Variants in ACBD6 observed in about 807,000 individuals in gnomAD.
The protein encoded by ACBD6 is acyl-CoA-binding domain-containing protein 6.
In ACBD6, 28 loss-of-function variants were observed where a neutral mutation model predicts 37.2. The ratio of observed to expected loss-of-function variants is 0.75; its 90% confidence interval spans 0.56 to 1.03. The LOEUF is 1.03. Among genes scored for constraint, ACBD6 ranks in the 50% least tolerant of loss-of-function variants. ACBD6 has a pLI of 0.00. For synonymous variants in ACBD6, 113 were observed against 126.8 expected (o/e 0.89, Z 0.73); for missense variants, 340 against 337.4 (o/e 1.01, Z -0.06).
chr1:180,478,126 T>G (rs1650873997), intron 3 of ACBD6, among the ~76,000 whole-genome samples: 1 of 152,144 alleles, frequency 6.6e-6, no homozygotes, highest in Non-Finnish European at 1.5e-5. Context: ...CATTTTTAAT[T>G]CTAATCTATT....
chr1:180,366,869 G>T (rs1006068666), intron 6 of ACBD6, among the ~76,000 whole-genome samples: 2 of 152,130 alleles, frequency 1.3e-5, no homozygotes, highest in African/African-American at 4.8e-5. Context: ...TAGAAGCACT[G>T]AGTCAGTATG....
chr1:180,338,681 A>T (rs1176459236), intron 6 of ACBD6, among the ~76,000 whole-genome samples: 2 of 152,220 alleles, frequency 1.3e-5, no homozygotes, highest in African/African-American at 4.8e-5. Context: ...GACAAATGGG[A>T]TCTAATTAAA....
intron 6 of ACBD6, among the ~76,000 whole-genome samples, chr1:180,368,435 T>C (rs905358746): frequency 3.3e-5 from 5 of 152,204 alleles, no homozygotes; most frequent in Admixed American, 3.3e-4. Context: ...GATGTCTTTA[T>C]CATGAAATCT....
chr1:180,346,780 T>C (rs1024655388), intron 6 of ACBD6, among the ~76,000 whole-genome samples: 3 of 152,180 alleles, frequency 2.0e-5, no homozygotes, highest in Admixed American at 2.0e-4. Flanking sequence ...CTCATGCCTG[T>C]AATCCCAATA....
chr1:180,290,171 G>GAGAA (rs77812910), intron 7 of ACBD6, among the ~76,000 whole-genome samples: 17,799 of 152,102 alleles, frequency 0.12, 1,584 homozygotes, highest in African/African-American at 0.25. Flanking sequence ...TTTGTTTCAA[G>GAGAA]AGAAAGGGTA....
At chr1:180,459,775 T>C (rs1014518562) in intron 3 of ACBD6, among the ~76,000 whole-genome samples, 5 of 152,142 alleles carry the variant, frequency 3.3e-5, no homozygotes, top group Non-Finnish European at 5.9e-5. Flanking sequence ...GGGGAAAAGA[T>C]TGTTACACAT....
At chr1:180,496,922 A>C (rs576772783) in intron 1 of ACBD6, among the ~76,000 whole-genome samples, 24 of 152,164 alleles carry the variant, frequency 1.6e-4, no homozygotes, top group African/African-American at 5.8e-4. Context: ...ATGAAGAGAG[A>C]AGCTCAGGAG....
At chr1:180,315,863 G>C (rs887243569) in intron 6 of ACBD6, among the ~76,000 whole-genome samples, 2 of 152,094 alleles carry the variant, frequency 1.3e-5, no homozygotes, top group African/African-American at 2.4e-5. Context: ...GAGGAGATAT[G>C]AAAGAAGTAA....
intron 3 of ACBD6, among the ~76,000 whole-genome samples, chr1:180,487,597 C>T (rs944224156): frequency 1.4e-4 from 22 of 152,002 alleles, no homozygotes; most frequent in Admixed American, 1.3e-4. Context: ...AATAATGGCC[C>T]CAAAGTACAA....
exon 10 of ACBD6, chr1:180,274,710 G>A (rs985897168): frequency 2.2e-5 from 25 of 1,116,666 alleles, no homozygotes; most frequent in African/African-American, 1.7e-4. Flanking sequence ...GAAGTCCTCC[G>A]CTGATTCCTA....
chr1:180,380,954 T>C (rs974270021), intron 6 of ACBD6, among the ~76,000 whole-genome samples: 1 of 152,168 alleles, frequency 6.6e-6, no homozygotes. Flanking sequence ...ATGACTCAAC[T>C]ATATACTGCC....
At chr1:180,308,707 T>C (rs1315936493) in intron 7 of ACBD6, among the ~76,000 whole-genome samples, 1 of 152,234 alleles carries the variant, frequency 6.6e-6, no homozygotes, top group Non-Finnish European at 1.5e-5. Context: ...TGATTACTTC[T>C]AGTTCAAGAG....
intron 6 of ACBD6, among the ~76,000 whole-genome samples, chr1:180,383,058 A>G (rs1304841866): frequency 1.3e-5 from 2 of 152,180 alleles, no homozygotes; most frequent in African/African-American, 2.4e-5. Context: ...TATAAAAGCT[A>G]TATGACAAAC....
chr1:180,339,836 C>T (rs147010177), intron 6 of ACBD6, among the ~76,000 whole-genome samples: 69 of 151,106 alleles, frequency 4.6e-4, no homozygotes, highest in Middle Eastern at 3.4e-3. Context: ...ATGGTACGTG[C>T]TACAGAGAAA....
At position 180,502,427 on chromosome 1, in the gene ACBD6, G is replaced by A; in HGVS notation, c.-161C>T. On this transcript the variant is annotated 5_prime_UTR_variant, in exon 1 of 8. Coordinates refer to ENST00000367595, the MANE Select transcript of ACBD6 (RefSeq NM_032360.4). ...GCTCCCTCACGTGACCCTGCTCCCT[G>A]CCCACTTCTACTCCCTGGGCGTGCA... 3 of 759,566 alleles carry A rather than the reference G, an allele frequency of 3.9e-6. No homozygotes were observed. Among genetic ancestry groups the A allele is most frequent in the South Asian group, 3.0e-5 (2 of 65,744 alleles). The allele number at this position is 759,566 out of a possible 1,614,324, so 47.1% of individuals were successfully genotyped here. A position where few individuals can be genotyped will look rare whatever the true frequency, so the allele number is the denominator to read the frequency against.
At chr1:180,364,877 G>A (rs185580736) in intron 6 of ACBD6, among the ~76,000 whole-genome samples, 1 of 152,114 alleles carries the variant, frequency 6.6e-6, no homozygotes, top group East Asian at 1.9e-4. Context: ...GGGACTATAG[G>A]CGTGTGCCAC....
chr1:180,306,104 G>A (rs550771897), intron 7 of ACBD6, among the ~76,000 whole-genome samples: 7 of 125,248 alleles, frequency 5.6e-5, no homozygotes, highest in Non-Finnish European at 9.8e-5. Context: ...GTTGTGGGGT[G>A]GGGGGAGGGG....
intron 3 of ACBD6, among the ~76,000 whole-genome samples, chr1:180,470,050 C>T (rs890415761): frequency 2.0e-5 from 3 of 152,012 alleles, no homozygotes; most frequent in African/African-American, 7.2e-5. Flanking sequence ...AGAAATTAAC[C>T]TATTGTTCCC....
rs193032571 is a variant in ACBD6 at position 180,382,325 on chromosome 1, A to C, written c.663+15191T>G. 3.5e-4 allele frequency among the ~76,000 whole-genome samples: 53 copies of C among 152,172 alleles called. 1 individual carries two copies. In the East Asian group the frequency reaches 9.8e-3, roughly 28 times the overall value. ...ACCAATTGCTAGACTAACCAAGAAA[A>C]AAAGAGAGAAGACCCAAATAAACAA... On this transcript the variant is annotated intron_variant, in intron 6 of 7. Transcript: ENST00000367595.
Sources: gnomAD v4.1 joint callset for allele counts (sites outside exome capture counted in the v4.1 genomes callset) on GRCh38, gnomAD v4.1.1 for gene constraint, MANE v1.5 for transcripts, NCBI Gene and HGNC (gene_info 2026-07-23, HGNC 2026-07-21) for gene names.